The following SPEN variants were observed in gnomAD, a reference collection of about 807,000 sequenced individuals.
SPEN encodes msx2-interacting protein.
Under a neutral mutation model 269.9 loss-of-function variants are expected in SPEN, and 18 were observed. The ratio of observed to expected loss-of-function variants is 0.07; its 90% CI spans 0.05 to 0.10. The LOEUF (loss-of-function observed/expected upper bound fraction) is 0.10. Ranked by LOEUF, SPEN falls within the 10% of genes least tolerant of loss-of-function variation. The pLI, the probability that SPEN is intolerant of heterozygous loss-of-function variation, is 1.00. For missense variants in SPEN, 3,822 were observed against 4,631.2 expected (o/e 0.83, Z 5.07); for synonymous variants, 1,726 against 1,765.7 (o/e 0.98, Z 0.56).
At chr1:15,912,786 A>G (rs1010192210) in intron 5 of SPEN, among the ~76,000 whole-genome samples, 1 of 152,242 alleles carries the variant, frequency 6.6e-6, no homozygotes, top group Non-Finnish European at 1.5e-5. Context: ...GGAACAGGTC[A>G]GAACGGCTTG....
At chr1:15,938,674 T>G (rs1191006216) in intron 13 of SPEN, 44 bp from the exon 14 acceptor site, 1 of 1,584,572 alleles carries the variant, frequency 6.3e-7, no homozygotes, top group Non-Finnish European at 8.6e-7. Flanking sequence ...GGCTGCTGTT[T>G]GACTAGGAGG....
intron 7 of SPEN, 102 bp downstream of exon 7, chr1:15,919,153 C>A: frequency 1.0e-6 from 1 of 998,012 alleles, no homozygotes; most frequent in Non-Finnish European, 1.5e-6. Context: ...TAAGATCCTA[C>A]TAAGACAGAT....
Position 15,872,856 on chromosome 1 carries a change from G to A in SPEN, c.124G>A (p.Gly42Arg). ...AAGTGTCAAAATTCTTCCCAAGAGG[G>A]GATCTGAAGGAGGAGTGGCTGCCTT... ...VESVKILPKR[G>R]SEGGVAAFVD... The change falls in exon 2 of 15, where the codon GGA becomes AGA. Residue 42 changes from glycine to arginine, a missense_variant. Around this residue, in one of 16 missense-constraint regions of SPEN, gnomAD observed 51 missense variants for 56.1 expected, o/e 0.91. Transcript: ENST00000375759. 1 of 1,537,694 alleles carries A rather than the reference G, an allele frequency of 6.5e-7. No individual in the cohort carries two copies. The highest frequency in any genetic ancestry group is 2.3e-5 in the East Asian group (1 of 43,810).
chr1:15,859,720 A>C (rs1211040042), intron 1 of SPEN, among the ~76,000 whole-genome samples: 2 of 151,820 alleles, frequency 1.3e-5, no homozygotes, highest in Middle Eastern at 3.4e-3. Flanking sequence ...GTAGCATTTT[A>C]TTTCCTGTAT....
In SPEN at chr1:15,931,714, A is replaced by G; in HGVS notation, c.5474A>G (p.Lys1825Arg). 1 of 1,614,200 alleles carries G rather than the reference A, an allele frequency of 6.2e-7. No individual in the cohort carries two copies. The highest frequency in any genetic ancestry group is 8.5e-7 in the Non-Finnish European group (1 of 1,180,032). The change falls in exon 11 of 15, where the codon AAG (lysine) becomes AGG (arginine). Residue 1825 changes from lysine to arginine, a missense_variant. Lys to Arg is a conservative substitution (Grantham distance 26, BLOSUM62 2). Coordinates refer to ENST00000375759, the MANE Select transcript of SPEN (RefSeq NM_015001.3). This position sits in a 1 kb window ranked among gnomAD's most constrained non-coding sequence, Gnocchi z 4.8. ...DKKPNKSKRS[K>R]TPVQAAAVSI... is the part of the protein sequence containing the mutation. The stretch of plus-strand genomic sequence containing the variant: ...AAGCCAAACAAAAGCAAGCGTTCAA[A>G]GACCCCTGTTCAGGCAGCTGCAGTG...
intron 3 of SPEN, among the ~76,000 whole-genome samples, chr1:15,887,276 AT>A (rs34435171): frequency 5.2e-4 from 43 of 82,298 alleles, no homozygotes; most frequent in East Asian, 1.5e-3. Context: ...CCTGGCCTGA[AT>A]TTTTTTTTTT....
chr1:15,897,038 A>G (rs1196339695), intron 3 of SPEN, among the ~76,000 whole-genome samples: 1 of 152,168 alleles, frequency 6.6e-6, no homozygotes, highest in Non-Finnish European at 1.5e-5. Context: ...GTCTAGTAAG[A>G]GAAAGCTTTC....
At chr1:15,861,825 A>T (rs78966730) in intron 1 of SPEN, among the ~76,000 whole-genome samples, 3,106 of 152,158 alleles carry the variant, frequency 0.02, 97 homozygotes, top group African/African-American at 0.07. Flanking sequence ...GTGGATCACA[A>T]GGTCAGGAGT....
Position 15,848,555 on chromosome 1 carries a change from C to T in SPEN, c.83+405C>T, listed in dbSNP as rs913791192. ...GCCGGGACCCGAGCCCGCCCGACAG[C>T]CGGGTCCGGCGCCGCCACTCCAAGC... On this transcript the variant is annotated intron_variant, in intron 1 of 14. Transcript: ENST00000375759. This position sits in a 1 kb window ranked among gnomAD's most constrained non-coding sequence, Gnocchi z 5.1. 2.0e-5 allele frequency among the ~76,000 whole-genome samples: 3 copies of T among 152,068 alleles called. No homozygotes were observed. Among genetic ancestry groups the T allele is most frequent in the Non-Finnish European group, 4.4e-5 (3 of 67,948 alleles).
intron 3 of SPEN, among the ~76,000 whole-genome samples, chr1:15,898,971 G>A (rs2070870937): frequency 6.6e-6 from 1 of 151,748 alleles, no homozygotes; most frequent in Admixed American, 6.6e-5. Flanking sequence ...CCACCTTTTG[G>A]GTGTTGAACA....
chr1:15,853,979 T>C (rs2070361669), intron 1 of SPEN, among the ~76,000 whole-genome samples: 1 of 152,072 alleles, frequency 6.6e-6, no homozygotes, highest in African/African-American at 2.4e-5. Context: ...TTTTGTATTT[T>C]TATTAGAGTT....
intron 1 of SPEN, among the ~76,000 whole-genome samples, chr1:15,870,457 G>A (rs1458972036): frequency 2.0e-5 from 3 of 151,258 alleles, no homozygotes. Context: ...GAACAGTAAT[G>A]TTAATGATCA....
At chr1:15,893,945 AAGAATCACTTGAACCCAG>A (rs2070814265) in intron 3 of SPEN, among the ~76,000 whole-genome samples, 1 of 152,106 alleles carries the variant, frequency 6.6e-6, no homozygotes, top group Admixed American at 6.6e-5. Context: ...GCTGAAGCTT[AAGAATCACTTGAACCCAG>A]GAAATGGAGG....
At chr1:15,885,260 C>T (rs545417832) in intron 3 of SPEN, among the ~76,000 whole-genome samples, 3 of 151,968 alleles carry the variant, frequency 2.0e-5, no homozygotes, top group Non-Finnish European at 4.4e-5. Context: ...TGAGCCACCA[C>T]GCCCAGCCCA....
intron 3 of SPEN, among the ~76,000 whole-genome samples, chr1:15,900,726 T>TG (rs933966244): frequency 2.0e-5 from 3 of 152,170 alleles, no homozygotes; most frequent in Admixed American, 6.5e-5. Flanking sequence ...ATTAGCATGT[T>TG]GGTTTTTCAA....
chr1:15,862,062 A>G (rs910100427), intron 1 of SPEN, among the ~76,000 whole-genome samples: 2 of 152,164 alleles, frequency 1.3e-5, no homozygotes, highest in Non-Finnish European at 2.9e-5. Context: ...AAAACAAAAA[A>G]CAAAAATTGC....
rs775175271 is a variant in SPEN at position 15,931,550 on chromosome 1, T to C, written c.5310T>C (p.Asn1770=). 6.2e-7 allele frequency: 1 copy of C among 1,614,112 alleles called. No homozygotes were observed. The highest frequency in any genetic ancestry group is 8.5e-7 in the Non-Finnish European group (1 of 1,180,014). The change falls in exon 11 of 15, where the codon AAT becomes AAC. Residue 1770 remains asparagine, a synonymous_variant. Coordinates refer to ENST00000375759, the MANE Select transcript of SPEN (RefSeq NM_015001.3). The surrounding 1 kb of genome is among the most constrained non-coding windows in gnomAD (Gnocchi z 4.8). ...CAGCTCAGAAGTCTGAGGAAGCCAA[T>C]GAGCCAAAGGCCGAAAAGCCAGACG... ...SKPAQKSEEA[N]EPKAEKPDAT...
chr1:15,930,615 G>A lies in SPEN; in HGVS notation c.4375G>A (p.Glu1459Lys), dbSNP rs943674958. The A allele has an allele frequency of 4.3e-6, 7 of 1,614,040 alleles. No individual in the cohort carries two copies. Among genetic ancestry groups the A allele is most frequent in the Non-Finnish European group, 5.9e-6 (7 of 1,180,034 alleles). The change falls in exon 11 of 15, where the codon GAA (glutamate) becomes AAA (lysine). Residue 1459 changes from glutamate to lysine, a missense_variant. This residue lies in a region of SPEN where 267 missense variants were observed against 315.5 expected (regional missense o/e 0.85). Transcript: ENST00000375759. The surrounding 1 kb of genome is among the most constrained non-coding windows in gnomAD (Gnocchi z 5.3). The part of the protein sequence containing the change: ...ERAKSLSSSR[E>K]ENWSFLDWDS... The stretch of plus-strand genomic sequence containing the variant: ...AGCTAAATCCCTCTCTTCATCTCGT[G>A]AAGAAAATTGGTCTTTTCTTGATTG...
intron 1 of SPEN, among the ~76,000 whole-genome samples, chr1:15,866,282 G>A (rs1255815969): frequency 6.6e-6 from 1 of 151,970 alleles, no homozygotes; most frequent in East Asian, 1.9e-4. Flanking sequence ...GCCATCTTTA[G>A]TAATTATTTG....
Sources: gnomAD v4.1 joint callset for allele counts (sites outside exome capture counted in the v4.1 genomes callset) on GRCh38, gnomAD v4.1.1 for gene constraint, gnomAD v4.1.1 regional missense constraint, Gnocchi (gnomAD v3.1) non-coding constraint, MANE v1.5 for transcripts, NCBI Gene and HGNC (gene_info 2026-07-23, HGNC 2026-07-21) for gene names.